Variants in DGKH observed in about 807,000 individuals in gnomAD.
DGKH encodes DAG kinase eta.
A neutral mutation model predicts 159.3 loss-of-function variants in DGKH; 90 were observed. The ratio of observed to expected loss-of-function variants is 0.57; its 90% CI spans 0.48 to 0.67. The LOEUF is 0.67. Among genes scored for constraint, DGKH ranks in the 30% least tolerant of loss-of-function variants. The pLI, the probability that DGKH is intolerant of heterozygous loss-of-function variation, is 0.00. For missense variants in DGKH, 1,181 were observed against 1,506.1 expected (o/e 0.78, Z 3.57); for synonymous variants, 536 against 553.8 (o/e 0.97, Z 0.45).
chr13:42,159,395 C>T, intron 6 of DGKH, 23 bp downstream of exon 6: 1 of 1,496,644 alleles, frequency 6.7e-7, no homozygotes, highest in Non-Finnish European at 9.3e-7. Flanking sequence ...TCTGTCTCTG[C>T]TCTCTTCCCA....
At chr13:42,101,060 A>G (rs1209080665) in intron 1 of DGKH, among the ~76,000 whole-genome samples, 1 of 152,150 alleles carries the variant, frequency 6.6e-6, no homozygotes, top group Non-Finnish European at 1.5e-5. Context: ...TAGCTTATCC[A>G]TCCAGCACTG....
intron 1 of DGKH, among the ~76,000 whole-genome samples, chr13:42,096,672 G>T (rs897769389): frequency 1.3e-5 from 2 of 152,132 alleles, no homozygotes; most frequent in Non-Finnish European, 2.9e-5. Flanking sequence ...TGCACATTCT[G>T]CAAGGTTTAG....
At chr13:42,209,748 G>T (rs1375262027) in intron 23 of DGKH, among the ~76,000 whole-genome samples, 1 of 152,066 alleles carries the variant, frequency 6.6e-6, no homozygotes, top group African/African-American at 2.4e-5. Context: ...AAATTCCCCT[G>T]TTAACATCTT....
chr13:42,123,545 G>GAAA (rs5803113), intron 1 of DGKH, among the ~76,000 whole-genome samples: 1 of 151,048 alleles, frequency 6.6e-6, no homozygotes. Flanking sequence ...TAATACAATG[G>GAAA]AAAAAAAAAG....
At chr13:42,197,779 G>A (rs985084934) in intron 17 of DGKH, among the ~76,000 whole-genome samples, 2 of 152,080 alleles carry the variant, frequency 1.3e-5, no homozygotes, top group African/African-American at 4.8e-5. Context: ...GTTCTTGTAG[G>A]TTCCTATTAG....
intron 1 of DGKH, among the ~76,000 whole-genome samples, chr13:42,114,115 T>A (rs1011612137): frequency 1.3e-5 from 2 of 152,182 alleles, no homozygotes; most frequent in Non-Finnish European, 2.9e-5. Flanking sequence ...ACAAGATAGA[T>A]AGCTTCCCCT....
intron 20 of DGKH, among the ~76,000 whole-genome samples, chr13:42,200,532 A>C (rs1957323312): frequency 6.6e-6 from 1 of 152,180 alleles, no homozygotes; most frequent in Non-Finnish European, 1.5e-5. Flanking sequence ...TCCAGGACTC[A>C]CTGTTTATGC....
At chr13:42,243,462 G>C (rs77040678), downstream of DGKH, among the ~76,000 whole-genome samples, 2,358 of 152,246 alleles carry the variant, frequency 0.015, 62 homozygotes, top group East Asian at 0.093. Flanking sequence ...CTCGTTAAAA[G>C]TCCAGTGCAT....
intron 24 of DGKH, 72 bp downstream of exon 24, chr13:42,210,837 A>G: frequency 7.1e-7 from 1 of 1,415,560 alleles, no homozygotes. Context: ...TTTAATCTTA[A>G]TACATTGTTT....
chr13:42,071,644 G>A (rs991176869), intron 1 of DGKH, among the ~76,000 whole-genome samples: 13 of 152,198 alleles, frequency 8.5e-5, no homozygotes, highest in African/African-American at 3.1e-4. Context: ...TTGGATAACA[G>A]AAGATGTCCT....
At chr13:42,068,923 CTGAG>C in intron 1 of DGKH, 1 of 1,305,250 alleles carries the variant, frequency 7.7e-7, no homozygotes. Flanking sequence ...TAAATGTCTG[CTGAG>C]TGTTTTAGTT....
chr13:42,062,810 C>T (rs1212547778), intron 1 of DGKH, among the ~76,000 whole-genome samples: 4 of 152,188 alleles, frequency 2.6e-5, no homozygotes, highest in African/African-American at 9.7e-5. Flanking sequence ...GAATAAATGG[C>T]ATGTACTTGA....
intron 1 of DGKH, chr13:42,069,562 G>T: frequency 1.3e-6 from 2 of 1,593,398 alleles, no homozygotes; most frequent in Non-Finnish European, 1.7e-6. Flanking sequence ...CAGTTGCCGT[G>T]ATGCTTCCTC....
At chr13:42,184,157 G>C (rs1390251531) in intron 13 of DGKH, among the ~76,000 whole-genome samples, 1 of 152,164 alleles carries the variant, frequency 6.6e-6, no homozygotes, top group African/African-American at 2.4e-5. Context: ...GATAGCTAGA[G>C]ATTTTTATGT....
chr13:42,223,631 C>T (rs997130327), intron 29 of DGKH, among the ~76,000 whole-genome samples: 7 of 151,754 alleles, frequency 4.6e-5, no homozygotes, highest in African/African-American at 1.2e-4. Context: ...TGTGGTGGCA[C>T]GCTCCTATAG....
In DGKH at chr13:42,212,053, T is replaced by C. The variant is rs149679575; in HGVS notation, c.3014+1288T>C. ...GGCATATTGAGTGCTCTGTGTATAGTAACTTAAGATTCTTCCCACACCTTC... is the reference window on the plus strand; with the variant it reads ...GGCATATTGAGTGCTCTGTGTATAGCAACTTAAGATTCTTCCCACACCTTC... On this transcript the variant is annotated intron_variant, in intron 24 of 29. Coordinates refer to ENST00000337343, the MANE Select transcript of DGKH (RefSeq NM_178009.5). Among the ~76,000 whole-genome samples, 3 of 152,272 alleles carry C rather than the reference T, an allele frequency of 2.0e-5. No individual in the cohort carries two copies. In the East Asian group the frequency reaches 5.8e-4, roughly 29 times the overall value.
intron 13 of DGKH, among the ~76,000 whole-genome samples, chr13:42,183,569 A>G (rs968152516): frequency 6.6e-6 from 1 of 152,308 alleles, no homozygotes; most frequent in East Asian, 1.9e-4. Context: ...TATTTATTTC[A>G]TGCAATAATA....
intron 3 of DGKH, among the ~76,000 whole-genome samples, chr13:42,152,478 TATACACACAC>T (rs1475327110): frequency 1.0e-4 from 15 of 149,854 alleles, no homozygotes; most frequent in Non-Finnish European, 1.6e-4. Flanking sequence ...CATACACATG[TATACACACAC>T]ATACACACAC....
intron 1 of DGKH, among the ~76,000 whole-genome samples, chr13:42,051,176 C>T (rs140219014): frequency 1.3e-5 from 2 of 152,270 alleles, no homozygotes; most frequent in East Asian, 3.9e-4. Context: ...TACATTTTGC[C>T]ATGAGAGATC....
Sources: allele counts gnomAD v4.1 joint callset (sites outside exome capture counted in the v4.1 genomes callset), GRCh38; gene constraint gnomAD v4.1.1; transcripts MANE v1.5; gene names NCBI Gene and HGNC (gene_info 2026-07-23, HGNC 2026-07-21).